The following SLC14A2 variants were observed in gnomAD, a reference collection of about 807,000 sequenced individuals.
SLC14A2 encodes solute carrier family 14 member 2.
A neutral mutation model predicts 104.6 loss-of-function variants in SLC14A2; 91 were observed. The observed-to-expected ratio is 0.87, with a 90% CI of 0.73 to 1.04. SLC14A2 has a LOEUF of 1.04. SLC14A2 is among the 50% of genes least tolerant of loss of function. The pLI, the probability that SLC14A2 is intolerant of heterozygous loss-of-function variation, is 0.00. For missense variants in SLC14A2, 1,189 were observed against 1,156.0 expected, an observed-to-expected ratio of 1.03 and a Z score of -0.41; for synonymous variants, 476 against 466.4, an observed-to-expected ratio of 1.02 and a Z score of -0.27.
At chr18:45,624,462 GA>G (rs1007125626) in intron 1 of SLC14A2, among the ~76,000 whole-genome samples, 168 bp from the exon 2 acceptor site, 9 of 152,148 alleles carry the variant, frequency 5.9e-5, no homozygotes, top group African/African-American at 2.2e-4. Flanking sequence ...GGAGGATTTT[GA>G]AAGGTAATGA....
chr18:45,324,618 C>A (rs1230131429), intron 1 of SLC14A2, among the ~76,000 whole-genome samples: 2 of 152,024 alleles, frequency 1.3e-5, no homozygotes, highest in Non-Finnish European at 2.9e-5. Context: ...CAAAGACTGG[C>A]AGCACATGTA....
chr18:45,490,430 A>G (rs1289870059), intron 2 of SLC14A2, among the ~76,000 whole-genome samples: 3 of 152,246 alleles, frequency 2.0e-5, no homozygotes, highest in Non-Finnish European at 4.4e-5. Flanking sequence ...GCTCAATTTC[A>G]TATGCAAAAT....
chr18:45,567,270 G>A (rs1341605992), intron 2 of SLC14A2, among the ~76,000 whole-genome samples: 1 of 152,048 alleles, frequency 6.6e-6, no homozygotes, highest in Non-Finnish European at 1.5e-5. Context: ...TCTCAAGCCT[G>A]TGGGAAAAGG....
At chr18:45,367,307 T>C (rs1310870092) in intron 1 of SLC14A2, among the ~76,000 whole-genome samples, 1 of 152,212 alleles carries the variant, frequency 6.6e-6, no homozygotes, top group Non-Finnish European at 1.5e-5. Flanking sequence ...TTCATATATT[T>C]ATGATGAAAC....
intron 2 of SLC14A2, among the ~76,000 whole-genome samples, chr18:45,599,379 T>C (rs1364151875): frequency 1.3e-5 from 2 of 152,196 alleles, no homozygotes; most frequent in Admixed American, 6.5e-5. Flanking sequence ...TCCCCCTTGC[T>C]CTTCTTCCAG....
At chr18:45,238,570 A>G (rs1479459445) in intron 1 of SLC14A2, among the ~76,000 whole-genome samples, 1 of 104,320 alleles carries the variant, frequency 9.6e-6, no homozygotes, top group Non-Finnish European at 2.2e-5. Context: ...TTTAATGGGG[A>G]AAAAAATCTT....
intron 2 of SLC14A2, among the ~76,000 whole-genome samples, chr18:45,488,445 G>C (rs1421182): frequency 0.41 from 61,999 of 152,016 alleles, 13,318 homozygotes; most frequent in East Asian, 0.53. Context: ...AGCAGGTACT[G>C]GTGGTCAAAA....
At chr18:45,664,430 G>A (rs562116010) in intron 11 of SLC14A2, among the ~76,000 whole-genome samples, 5 of 152,238 alleles carry the variant, frequency 3.3e-5, no homozygotes, top group Non-Finnish European at 7.3e-5. Context: ...CAGAAATTTG[G>A]ACGTGGAAGC....
chr18:45,655,576 A>G (rs2045822019), intron 10 of SLC14A2, among the ~76,000 whole-genome samples: 1 of 152,236 alleles, frequency 6.6e-6, no homozygotes, highest in Admixed American at 6.5e-5. Context: ...TTACAGGGAA[A>G]GAGTGCTGGG....
intron 1 of SLC14A2, among the ~76,000 whole-genome samples, chr18:45,217,627 G>A (rs192532196): frequency 6.6e-6 from 1 of 152,104 alleles, no homozygotes; most frequent in Non-Finnish European, 1.5e-5. Flanking sequence ...CACAGTCTTT[G>A]TTATCACCAA....
At chr18:45,572,094 G>A (rs937527554) in intron 2 of SLC14A2, among the ~76,000 whole-genome samples, 9 of 152,136 alleles carry the variant, frequency 5.9e-5, no homozygotes, top group African/African-American at 9.7e-5. Flanking sequence ...GAGAGCTACC[G>A]CTATGATCAA....
At position 45,427,859 on chromosome 18, in the gene SLC14A2, G is replaced by A. The variant is rs116993417; in HGVS notation, c.-124-55374G>A. Among the ~76,000 whole-genome samples the A allele has an allele frequency of 7.6e-3, 1,158 of 152,276 alleles. 8 individuals carry two copies. The highest frequency in any genetic ancestry group is 0.011 in the Non-Finnish European group (769 of 68,026). On this transcript the variant is annotated intron_variant, in intron 1 of 20. Transcript: ENST00000586448. ...GGTTCTAGCTTTGGCTGCCAATGATGTGATCTTAGGAAAGCCATAAGATCT... is the reference window on the plus strand; with the variant it reads ...GGTTCTAGCTTTGGCTGCCAATGATATGATCTTAGGAAAGCCATAAGATCT...
In SLC14A2 at chr18:45,655,543, G is replaced by C. The variant is rs546264543; in HGVS notation, c.1352-8242G>C. On this transcript the variant is annotated intron_variant, in intron 10 of 19. Transcript: ENST00000255226. ...GCTTTCAGGATCATTGTGTTGACAA[G>C]GATTCTGAGGCTGTATCTAGACTTA... Among the ~76,000 whole-genome samples the C allele has an allele frequency of 8.5e-5, 13 of 152,304 alleles. No individual in the cohort carries two copies. The South Asian group carries it at 2.7e-3, about 32-fold the overall frequency.
chr18:45,219,410 T>A (rs1419230065), intron 1 of SLC14A2, among the ~76,000 whole-genome samples: 1 of 152,204 alleles, frequency 6.6e-6, no homozygotes, highest in African/African-American at 2.4e-5. Context: ...TGAAGGCAGT[T>A]AAGTCCTTTG....
At chr18:45,681,751 G>C (rs1300993833) in intron 19 of SLC14A2, among the ~76,000 whole-genome samples, 1 of 152,158 alleles carries the variant, frequency 6.6e-6, no homozygotes, top group African/African-American at 2.4e-5. Context: ...AGTTTTTTCA[G>C]TTCCAGAACC....
chr18:45,366,157 C>T (rs2085663583), intron 1 of SLC14A2, among the ~76,000 whole-genome samples: 1 of 152,080 alleles, frequency 6.6e-6, no homozygotes, highest in South Asian at 2.1e-4. Context: ...ACAGCTGCCT[C>T]CCTGGTCAGG....
the SLC14A2 span, among the ~76,000 whole-genome samples, chr18:45,182,675 CA>C: frequency 6.6e-6 from 1 of 151,458 alleles, no homozygotes; most frequent in Non-Finnish European, 1.5e-5. Context: ...AAAATAAATA[CA>C]AAAATATATA....
chr18:45,249,325 G>A (rs1269021841), intron 1 of SLC14A2, among the ~76,000 whole-genome samples: 1 of 151,438 alleles, frequency 6.6e-6, no homozygotes, highest in Non-Finnish European at 1.5e-5. Context: ...TGCAAAGGGT[G>A]GAGTATTGCT....
intron 2 of SLC14A2, among the ~76,000 whole-genome samples, chr18:45,531,295 A>G (rs1015669953): frequency 1.3e-5 from 2 of 152,130 alleles, no homozygotes; most frequent in African/African-American, 4.8e-5. Flanking sequence ...ACAATGGTTG[A>G]ACTAGTTTAC....
Sources: gnomAD v4.1 joint callset for allele counts (sites outside exome capture counted in the v4.1 genomes callset) on GRCh38, gnomAD v4.1.1 for gene constraint, MANE v1.5 for transcripts, NCBI Gene and HGNC (gene_info 2026-07-23, HGNC 2026-07-21) for gene names.